The following REC114 variants were observed in gnomAD, a reference collection of about 807,000 sequenced individuals.
The protein encoded by REC114 is meiotic recombination protein REC114.
Under a neutral mutation model 31.3 loss-of-function variants are expected in REC114, and 27 were observed. The ratio of observed to expected loss-of-function variants is 0.86; its 90% CI spans 0.64 to 1.19. REC114 has a LOEUF of 1.19. REC114 is among the 50% of genes most tolerant of loss of function. The probability of loss-of-function intolerance (pLI) is 0.00; values close to 1 mark genes in which losing one functional copy is unlikely to be tolerated. For missense variants in REC114, 344 were observed against 326.9 expected, an observed-to-expected ratio of 1.05 and a Z score of -0.40; for synonymous variants, 134 against 127.7, an observed-to-expected ratio of 1.05 and a Z score of -0.33.
At chr15:73,461,128 G>A (rs74022993) in intron 1 of REC114, among the ~76,000 whole-genome samples, 10 of 151,714 alleles carry the variant, frequency 6.6e-5, no homozygotes, top group East Asian at 1.9e-4. Context: ...GAAGGTCTGC[G>A]TGTTATTGCT....
chr15:73,450,751 C>T (rs557681305), intron 1 of REC114, among the ~76,000 whole-genome samples: 2 of 152,260 alleles, frequency 1.3e-5, no homozygotes, highest in South Asian at 2.1e-4. Flanking sequence ...CACTTCTTAG[C>T]GAATGCAAAA....
At chr15:73,547,548 G>A (rs115967908) in intron 3 of REC114, among the ~76,000 whole-genome samples, 12,975 of 152,174 alleles carry the variant, frequency 0.085, 797 homozygotes, top group African/African-American at 0.17. Context: ...TGCTGGATAT[G>A]TACCCAAAAG....
chr15:73,473,247 G>A (rs1893158372), intron 1 of REC114, among the ~76,000 whole-genome samples: 1 of 152,008 alleles, frequency 6.6e-6, no homozygotes, highest in South Asian at 2.1e-4. Context: ...AAATTAACCG[G>A]GCATGGTGGC....
intron 1 of REC114, among the ~76,000 whole-genome samples, chr15:73,460,665 C>T (rs1362690328): frequency 6.6e-6 from 1 of 150,770 alleles, no homozygotes; most frequent in Admixed American, 6.6e-5. Context: ...ATGGGAAGTA[C>T]CACTTTCTGG....
chr15:73,528,471 A>G (rs1894034783), intron 2 of REC114, among the ~76,000 whole-genome samples: 1 of 152,212 alleles, frequency 6.6e-6, no homozygotes, highest in Non-Finnish European at 1.5e-5. Context: ...TGAGAATTAT[A>G]AGACAGAGTT....
chr15:73,480,266 A>AT (rs991769741), intron 2 of REC114, among the ~76,000 whole-genome samples: 2 of 151,588 alleles, frequency 1.3e-5, no homozygotes, highest in Non-Finnish European at 2.9e-5. Context: ...TCTTTTGCTA[A>AT]TTTTTTTTAT....
At chr15:73,549,617 A>G (rs1894360760) in intron 3 of REC114, among the ~76,000 whole-genome samples, 1 of 152,194 alleles carries the variant, frequency 6.6e-6, no homozygotes, top group African/African-American at 2.4e-5. Flanking sequence ...TATGTACCTA[A>G]AATTTTAGAA....
chr15:73,449,290 G>A (rs945109513), intron 1 of REC114, among the ~76,000 whole-genome samples: 3 of 152,086 alleles, frequency 2.0e-5, no homozygotes, highest in Admixed American at 6.6e-5. Flanking sequence ...AACCTGTTTA[G>A]AAAAGAACAG....
At position 73,520,702 on chromosome 15, in the gene REC114, T is replaced by C. The variant is rs992807836; in HGVS notation, c.250-19783T>C. On this transcript the variant is annotated intron_variant, in intron 2 of 5. Coordinates refer to ENST00000331090, the MANE Select transcript of REC114 (RefSeq NM_001042367.2). ...TACTTTGCAGTGGTATTAATAGATT[T>C]GTATGATTAACCTTATTTTTCCTGG... 9.2e-5 allele frequency among the ~76,000 whole-genome samples: 14 copies of C among 152,336 alleles called. No individual in the cohort carries two copies. The South Asian group carries it at 2.9e-3, about 32-fold the overall frequency.
intron 2 of REC114, among the ~76,000 whole-genome samples, chr15:73,477,175 C>T (rs977590983): frequency 3.2e-4 from 49 of 152,238 alleles, no homozygotes; most frequent in African/African-American, 1.0e-3. Context: ...AGTGTCTGTT[C>T]GTGTCTTTTA....
intron 1 of REC114, among the ~76,000 whole-genome samples, chr15:73,453,742 G>A (rs1892882090): frequency 6.6e-6 from 1 of 152,088 alleles, no homozygotes; most frequent in African/African-American, 2.4e-5. Context: ...ATGATAGACT[G>A]GATAAAGAAA....
chr15:73,462,331 AT>A lies in REC114; in HGVS notation c.160-11492del, dbSNP rs377310081. ...ATTTCCCAAGGGCCAGAAATAAGCA[AT>A]TTTTTTTTCTCAGATACCTGGATTA... On this transcript the variant is annotated intron_variant, in intron 1 of 5. Transcript: ENST00000331090. Among the ~76,000 whole-genome samples, 1,042 of 151,366 alleles carry A rather than the reference AT, an allele frequency of 6.9e-3. 8 individuals are homozygous for A. Among genetic ancestry groups the A allele is most frequent in the African/African-American group, 0.023 (944 of 41,268 alleles).
chr15:73,459,777 GC>G (rs1471319846), intron 1 of REC114, among the ~76,000 whole-genome samples: 1 of 152,076 alleles, frequency 6.6e-6, no homozygotes, highest in Non-Finnish European at 1.5e-5. Flanking sequence ...CTTTTTCTTT[GC>G]CAGTGTTGCA....
chr15:73,461,568 T>C (rs1296534333), intron 1 of REC114, among the ~76,000 whole-genome samples: 6 of 152,240 alleles, frequency 3.9e-5, no homozygotes, highest in Non-Finnish European at 8.8e-5. Context: ...TTTGACTTTT[T>C]TCTACCTGAT....
chr15:73,550,850 C>A, intron 3 of REC114, 88 bp from the exon 4 acceptor site: 1 of 1,263,840 alleles, frequency 7.9e-7, no homozygotes, highest in Non-Finnish European at 1.1e-6. Context: ...CTTCCTCCGC[C>A]AAGCAAAGGA....
intron 1 of REC114, among the ~76,000 whole-genome samples, chr15:73,461,860 A>C (rs558022961): frequency 2.7e-5 from 4 of 147,562 alleles, no homozygotes; most frequent in African/African-American, 1.0e-4. Context: ...ACCCCTTAAC[A>C]TTAATGTCTT....
chr15:73,509,885 A>G (rs1240633051), intron 2 of REC114, among the ~76,000 whole-genome samples: 2 of 151,696 alleles, frequency 1.3e-5, no homozygotes, highest in Admixed American at 6.6e-5. Flanking sequence ...TGATGCCTCC[A>G]GCTTTGTTCT....
intron 1 of REC114, among the ~76,000 whole-genome samples, chr15:73,463,017 G>A (rs909686315): frequency 7.3e-5 from 11 of 151,604 alleles, no homozygotes; most frequent in African/African-American, 2.7e-4. Context: ...TAATTATTTC[G>A]GTTCATATCT....
intron 2 of REC114, among the ~76,000 whole-genome samples, chr15:73,502,018 C>G (rs1046858538): frequency 6.6e-6 from 1 of 151,966 alleles, no homozygotes; most frequent in Non-Finnish European, 1.5e-5. Context: ...GAGCTGGGCA[C>G]AGTGGCTCTC....
Sources: allele counts gnomAD v4.1 joint callset (sites outside exome capture counted in the v4.1 genomes callset), GRCh38; gene constraint gnomAD v4.1.1; transcripts MANE v1.5; gene names NCBI Gene and HGNC (gene_info 2026-07-23, HGNC 2026-07-21).